NPC1: variants seen among roughly 807,000 people sequenced by gnomAD.
The protein encoded by NPC1 is NPC intracellular cholesterol transporter 1, also known as Niemann-Pick C1 protein.
In NPC1, 85 loss-of-function variants were observed where a neutral mutation model predicts 140.4. The ratio of observed to expected loss-of-function variants is 0.61; its 90% CI spans 0.51 to 0.72. The LOEUF (loss-of-function observed/expected upper bound fraction) is 0.72. Ranked by LOEUF, NPC1 falls within the 30% of genes least tolerant of loss-of-function variation. NPC1 has a pLI of 0.00. For synonymous variants in NPC1, 656 were observed against 624.8 expected (o/e 1.05, Z -0.74); for missense variants, 1,504 against 1,623.8 (o/e 0.93, Z 1.27).
chr18:23,547,880 G>C, intron 11 of NPC1, 126 bp downstream of exon 11: 1 of 777,786 alleles, frequency 1.3e-6, no homozygotes. Flanking sequence ...TTAGTACCAA[G>C]TGAACAAAAC....
chr18:23,577,515 G>A (rs1465100839), intron 1 of NPC1, among the ~76,000 whole-genome samples: 1 of 152,150 alleles, frequency 6.6e-6, no homozygotes, highest in Non-Finnish European at 1.5e-5. Flanking sequence ...CCCTGAGCTA[G>A]ATATAAAGAC....
At chr18:23,584,570 C>T (rs907755496) in intron 1 of NPC1, among the ~76,000 whole-genome samples, 2 of 152,160 alleles carry the variant, frequency 1.3e-5, no homozygotes, top group African/African-American at 4.8e-5. Context: ...GAGATGGCTA[C>T]TTAATAATGT....
intron 1 of NPC1, among the ~76,000 whole-genome samples, chr18:23,585,086 T>G (rs771234882): frequency 2.0e-5 from 3 of 152,000 alleles, no homozygotes; most frequent in Non-Finnish European, 4.4e-5. Flanking sequence ...TAAAAAACTC[T>G]AGGGAAACAG....
Position 23,544,465 on chromosome 18 carries a change from C to A in NPC1, c.2009G>T (p.Cys670Phe). Residue 670 changes from cysteine (C) to phenylalanine (F), a missense_variant, in exon 13 of 25, where the codon TGC (cysteine) becomes TTC (phenylalanine). Transcript: ENST00000269228. The stretch of plus-strand genomic sequence containing the variant: ...AATGTAGCTGAAGACACCCAAGGAG[C>A]AAGCCACCGAGCTCAGCACGATCAA... ...GILIVLSSVA[C>F]SLGVFSYIGL... 6.2e-7 allele frequency: 1 copy of A among 1,608,162 alleles called. No homozygotes were observed. Among genetic ancestry groups the A allele is most frequent in the Non-Finnish European group, 8.5e-7 (1 of 1,177,758 alleles).
downstream of NPC1, chr18:23,526,535 T>C (rs1877223057): frequency 7.0e-7 from 1 of 1,437,826 alleles, no homozygotes; most frequent in Non-Finnish European, 9.4e-7. Flanking sequence ...CGGCTTTTTA[T>C]CACCACCTGC....
downstream of NPC1, chr18:23,529,653 G>C (rs779543752): frequency 1.2e-6 from 2 of 1,614,106 alleles, no homozygotes; most frequent in South Asian, 1.1e-5. Context: ...TCATAAATTT[G>C]TGATAGCCGT....
intron 3 of NPC1, among the ~76,000 whole-genome samples, chr18:23,516,890 T>C (rs952980816): frequency 2.0e-5 from 3 of 151,986 alleles, no homozygotes; most frequent in Non-Finnish European, 4.4e-5. Context: ...CTCGCCCGGC[T>C]AGTCTTTGTA....
chr18:23,558,785 G>A (rs1387768110), intron 6 of NPC1, among the ~76,000 whole-genome samples: 3 of 151,898 alleles, frequency 2.0e-5, no homozygotes, highest in Non-Finnish European at 2.9e-5. Flanking sequence ...GGTTTGTTAC[G>A]TATGTGTACG....
In NPC1 at chr18:23,572,061, C is replaced by T; in HGVS notation, c.287+13G>A. On this transcript the variant is annotated intron_variant, in intron 3 of 24. Coordinates refer to ENST00000269228, the MANE Select transcript of NPC1 (RefSeq NM_000271.5). ...CTACAGCCCAGTTGTTCTGTTTCCC[C>T]AGCAGAACCTACCTGGACAGAAACT... The T allele has an allele frequency of 1.3e-6, 2 of 1,591,182 alleles. No homozygotes were observed. The highest frequency in any genetic ancestry group is 1.7e-6 in the Non-Finnish European group (2 of 1,159,326).
intron 3 of NPC1, chr18:23,516,098 C>A: frequency 6.5e-7 from 1 of 1,534,264 alleles, no homozygotes; most frequent in African/African-American, 1.4e-5. Flanking sequence ...TTCCTCTAGC[C>A]GTAACGTCAC....
intron 4 of NPC1, among the ~76,000 whole-genome samples, chr18:23,563,457 G>A (rs1423698255): frequency 6.6e-6 from 1 of 152,236 alleles, no homozygotes; most frequent in Non-Finnish European, 1.5e-5. Context: ...GTCTCACTCT[G>A]TCACACAGAT....
At chr18:23,566,221 T>C (rs1295075612) in intron 4 of NPC1, among the ~76,000 whole-genome samples, 2 of 151,740 alleles carry the variant, frequency 1.3e-5, no homozygotes, top group African/African-American at 2.4e-5. Flanking sequence ...CAAGACCCTA[T>C]CTCTACAAAA....
Position 23,586,424 on chromosome 18 carries a change from G to T in NPC1, c.-81C>A. 6.6e-7 allele frequency: 1 copy of T among 1,522,444 alleles called. No homozygotes were observed. Among genetic ancestry groups the T allele is most frequent in the Non-Finnish European group, 8.8e-7 (1 of 1,141,010 alleles). The allele number at this position is 1,522,444 out of a possible 1,614,324, so 94.3% of individuals were successfully genotyped here. ...GGAGGCGGCTCTACTTCCCCGGGCT[G>T]TTTCAGCACCCCGCGCAGGAGGAGC... On this transcript the variant is annotated 5_prime_UTR_variant, in exon 1 of 25. Coordinates refer to ENST00000269228, the MANE Select transcript of NPC1 (RefSeq NM_000271.5).
chr18:23,518,381 A>G (rs1468074028), downstream of NPC1, among the ~76,000 whole-genome samples: 1 of 152,118 alleles, frequency 6.6e-6, no homozygotes, highest in Non-Finnish European at 1.5e-5. Flanking sequence ...AGTCCTAGCT[A>G]CTGGGGAGGC....
At chr18:23,525,774 C>CG (rs2058281621), downstream of NPC1, among the ~76,000 whole-genome samples, 1 of 152,144 alleles carries the variant, frequency 6.6e-6, no homozygotes, top group Admixed American at 6.5e-5. Context: ...CCCTGTGTCT[C>CG]TAATACCTCG....
At chr18:23,527,186 C>T (rs2058323376), downstream of NPC1, among the ~76,000 whole-genome samples, 1 of 140,362 alleles carries the variant, frequency 7.1e-6, no homozygotes, top group South Asian at 2.2e-4. Flanking sequence ...GAGTTCGAGA[C>T]CAGCCTGGAC....
intron 11 of NPC1, among the ~76,000 whole-genome samples, chr18:23,545,807 T>C (rs1238152036): frequency 6.6e-6 from 1 of 152,188 alleles, no homozygotes; most frequent in Non-Finnish European, 1.5e-5. Context: ...TTGTGCAAGC[T>C]GGTCTCAAAC....
At chr18:23,557,523 A>G (rs572812351) in intron 6 of NPC1, among the ~76,000 whole-genome samples, 12 of 152,362 alleles carry the variant, frequency 7.9e-5, no homozygotes, top group African/African-American at 2.6e-4. Flanking sequence ...TGGGAGGCCA[A>G]GGTGGGCGGG....
At chr18:23,518,677 ATAT>A (rs1372320861), downstream of NPC1, among the ~76,000 whole-genome samples, 1 of 152,202 alleles carries the variant, frequency 6.6e-6, no homozygotes, top group Non-Finnish European at 1.5e-5. Flanking sequence ...TTCTTTTAAA[ATAT>A]TATGATCAAG....
Sources: allele counts gnomAD v4.1 joint callset (sites outside exome capture counted in the v4.1 genomes callset), GRCh38; gene constraint gnomAD v4.1.1; transcripts MANE v1.5; gene names NCBI Gene and HGNC (gene_info 2026-07-23, HGNC 2026-07-21).